CSNK1G3: variants seen among roughly 807,000 people sequenced by gnomAD.
CSNK1G3 encodes casein kinase 1 gamma 3.
Under a neutral mutation model 64.3 loss-of-function variants are expected in CSNK1G3, and 23 were observed. That is an observed-to-expected ratio of 0.36 (90% CI 0.26 to 0.51). The LOEUF is 0.51. Among genes scored for constraint, CSNK1G3 ranks in the 20% least tolerant of loss-of-function variants. CSNK1G3 has a pLI of 0.96. For missense variants in CSNK1G3, 357 were observed against 510.5 expected (o/e 0.70, Z 2.90); for synonymous variants, 158 against 162.2 (o/e 0.97, Z 0.20).
intron 12 of CSNK1G3, among the ~76,000 whole-genome samples, chr5:123,609,155 A>C (rs1228288576): frequency 3.3e-5 from 5 of 152,316 alleles, no homozygotes; most frequent in East Asian, 1.9e-4. Context: ...TCCCAATCTC[A>C]GAGGGCCTTG....
intron 6 of CSNK1G3, among the ~76,000 whole-genome samples, chr5:123,576,590 C>CA (rs1209169817): frequency 6.6e-6 from 1 of 152,120 alleles, no homozygotes; most frequent in Non-Finnish European, 1.5e-5. Flanking sequence ...AACAGTTCCT[C>CA]AGTCGTTCGT....
At chr5:123,562,782 C>T (rs1047300194) in intron 4 of CSNK1G3, among the ~76,000 whole-genome samples, 2 of 151,560 alleles carry the variant, frequency 1.3e-5, no homozygotes, top group African/African-American at 4.8e-5. Flanking sequence ...AAGTGGTAAC[C>T]AAGGAGATAT....
At chr5:123,548,984 T>C (rs2150314790) in intron 2 of CSNK1G3, among the ~76,000 whole-genome samples, 1 of 152,396 alleles carries the variant, frequency 6.6e-6, no homozygotes, top group African/African-American at 2.4e-5. Context: ...GGCAGCTCAC[T>C]GCACCTGCCC....
At chr5:123,600,226 C>G (rs1246762989) in intron 10 of CSNK1G3, among the ~76,000 whole-genome samples, 2 of 151,996 alleles carry the variant, frequency 1.3e-5, no homozygotes, top group African/African-American at 2.4e-5. Flanking sequence ...TTTAGTATTT[C>G]TAATACATTA....
At chr5:123,525,722 G>C (rs909271727) in intron 1 of CSNK1G3, among the ~76,000 whole-genome samples, 1 of 151,994 alleles carries the variant, frequency 6.6e-6, no homozygotes, top group Non-Finnish European at 1.5e-5. Context: ...GGCTGGGCGC[G>C]GTGGCTTATG....
At chr5:123,527,280 G>C (rs925175450) in intron 1 of CSNK1G3, among the ~76,000 whole-genome samples, 2 of 152,108 alleles carry the variant, frequency 1.3e-5, no homozygotes, top group African/African-American at 4.8e-5. Flanking sequence ...AGAAAAACTA[G>C]GCTTTTAAAA....
Position 123,545,542 on chromosome 5 carries a change from A to AT in CSNK1G3, c.-119dup. On this transcript the variant is annotated 5_prime_UTR_variant, in exon 2 of 13. It introduces an in-frame stop codon into an upstream open reading frame of the 5' UTR. Coordinates refer to ENST00000345990, the Ensembl canonical transcript of CSNK1G3. Reference sequence around the variant, plus strand: ...TCCAGTTAATTGACTACCTACTGCAATTTGAATGTTAACATTACCCATCTG... The same window carrying AT: ...TCCAGTTAATTGACTACCTACTGCAATTTTGAATGTTAACATTACCCATCTG... 1.4e-6 allele frequency: 1 copy of AT among 738,304 alleles called. No individual in the cohort carries two copies. Among genetic ancestry groups the AT allele is most frequent in the East Asian group, 2.7e-5 (1 of 36,706 alleles). 45.7% of individuals were successfully genotyped at this position (738,304 alleles called of 1,614,324 possible).
intron 1 of CSNK1G3, among the ~76,000 whole-genome samples, chr5:123,542,921 GT>G (rs200938585): frequency 0.092 from 11,970 of 130,270 alleles, 547 homozygotes; most frequent in South Asian, 0.13. Context: ...GCTATTATTC[GT>G]TTTTTTTTTT....
intron 1 of CSNK1G3, among the ~76,000 whole-genome samples, chr5:123,518,839 C>T (rs149870199): frequency 1.1e-3 from 172 of 152,250 alleles, no homozygotes; most frequent in African/African-American, 4.0e-3. Context: ...AAATAGTGAT[C>T]GCTGTGTCTA....
At chr5:123,554,046 T>C (rs149342890) in intron 3 of CSNK1G3, among the ~76,000 whole-genome samples, 105 of 152,310 alleles carry the variant, frequency 6.9e-4, no homozygotes, top group African/African-American at 2.5e-3. Context: ...ATGAAATGAA[T>C]ATATAAAAGA....
intron 1 of CSNK1G3, among the ~76,000 whole-genome samples, chr5:123,535,748 T>A (rs924319405): frequency 6.6e-6 from 1 of 152,124 alleles, no homozygotes; most frequent in Non-Finnish European, 1.5e-5. Flanking sequence ...TTGTCATGTA[T>A]CTTTATAAGA....
At position 123,591,181 on chromosome 5, in the gene CSNK1G3, A is replaced by G. The variant is rs964419716; in HGVS notation, c.991-138A>G. ...TTCTTAGCTTTAACAACATATTTTG[A>G]TAATGATGCCTTTACTTAAAGCCTT... On this transcript the variant is annotated intron_variant, in intron 9 of 12. Coordinates refer to ENST00000345990, the Ensembl canonical transcript of CSNK1G3. 3.3e-5 allele frequency: 15 copies of G among 455,972 alleles called. 1 individual carries two copies. Among genetic ancestry groups the G allele is most frequent in the Admixed American group, 1.7e-4 (4 of 23,896 alleles). 28.2% of individuals were successfully genotyped at this position (455,972 alleles called of 1,614,324 possible). A position where few individuals can be genotyped will look rare whatever the true frequency, so the allele number is the denominator to read the frequency against.
chr5:123,561,530 C>T (rs1453658756), intron 4 of CSNK1G3, among the ~76,000 whole-genome samples: 1 of 152,148 alleles, frequency 6.6e-6, no homozygotes, highest in Admixed American at 6.6e-5. Flanking sequence ...GGTACAGCTG[C>T]TCAAAAGTAA....
At chr5:123,513,047 G>C (rs1266368049) in intron 1 of CSNK1G3, among the ~76,000 whole-genome samples, 2 of 152,138 alleles carry the variant, frequency 1.3e-5, no homozygotes, top group Non-Finnish European at 2.9e-5. Context: ...GGAGGCGACG[G>C]GGGCCAGCGT....
At chr5:123,610,003 G>A (rs1457374700) in intron 12 of CSNK1G3, among the ~76,000 whole-genome samples, 1 of 152,140 alleles carries the variant, frequency 6.6e-6, no homozygotes, top group African/African-American at 2.4e-5. Flanking sequence ...CAGTGGTGGA[G>A]GCAAGTTGAA....
At chr5:123,569,910 A>G (rs1325358585) in intron 4 of CSNK1G3, among the ~76,000 whole-genome samples, 2 of 152,188 alleles carry the variant, frequency 1.3e-5, no homozygotes, top group East Asian at 3.9e-4. Flanking sequence ...GAAACCTTCT[A>G]TTCCAAATTT....
intron 3 of CSNK1G3, among the ~76,000 whole-genome samples, chr5:123,553,511 T>A (rs1387494449): frequency 6.6e-6 from 1 of 152,240 alleles, no homozygotes; most frequent in Non-Finnish European, 1.5e-5. Flanking sequence ...TTCTTAGTAT[T>A]CAGGATTATA....
chr5:123,574,071 G>C (rs759250969), intron 5 of CSNK1G3, among the ~76,000 whole-genome samples: 1 of 152,036 alleles, frequency 6.6e-6, no homozygotes, highest in African/African-American at 2.4e-5. Flanking sequence ...GGATGGTCTC[G>C]ATCTCCTGAC....
intron 1 of CSNK1G3, among the ~76,000 whole-genome samples, chr5:123,535,761 A>G (rs1316767976): frequency 1.3e-5 from 2 of 152,094 alleles, no homozygotes; most frequent in East Asian, 3.9e-4. Context: ...TTATAAGAAT[A>G]GTTCTGTTTT....
Sources: gnomAD v4.1 joint callset for allele counts (sites outside exome capture counted in the v4.1 genomes callset) on GRCh38, gnomAD v4.1.1 for gene constraint, MANE v1.5 for transcripts, NCBI Gene and HGNC (gene_info 2026-07-23, HGNC 2026-07-21) for gene names.